Variants in TMC5 observed in about 807,000 individuals in gnomAD.
TMC5 encodes the protein transmembrane channel like 5, also known as transmembrane channel-like protein 5.
TMC5 carries 86 observed loss-of-function variants against 110.5 expected under a neutral mutation model. The observed-to-expected ratio is 0.78, with a 90% confidence interval of 0.65 to 0.93. TMC5 has a LOEUF of 0.93. TMC5 is among the 40% of genes least tolerant of loss of function. The probability of loss-of-function intolerance (pLI) is 0.00; values close to 1 mark genes in which losing one functional copy is unlikely to be tolerated. For missense variants in TMC5, 1,144 were observed against 1,222.8 expected (o/e 0.94, Z 0.96); for synonymous variants, 455 against 439.5 (o/e 1.04, Z -0.44).
intron 2 of TMC5, among the ~76,000 whole-genome samples, chr16:19,434,292 T>A (rs1283219550): frequency 5.8e-5 from 7 of 121,078 alleles, no homozygotes; most frequent in Non-Finnish European, 8.2e-5. Context: ...ATATAATATA[T>A]ATTATATGAT....
At chr16:19,495,030 T>A (rs1429575724) in intron 20 of TMC5, among the ~76,000 whole-genome samples, 5 of 22,018 alleles carry the variant, frequency 2.3e-4, no homozygotes, top group Non-Finnish European at 4.5e-4. Context: ...TTTTTTTTTT[T>A]TTGAGACGGA....
intron 1 of TMC5, among the ~76,000 whole-genome samples, chr16:19,422,413 C>A (rs1967004927): frequency 6.6e-6 from 1 of 152,178 alleles, no homozygotes; most frequent in Admixed American, 6.5e-5. Flanking sequence ...AACCACTTTC[C>A]AGGTGTCTCC....
At chr16:19,420,566 T>C (rs1164390700) in intron 1 of TMC5, among the ~76,000 whole-genome samples, 1 of 152,202 alleles carries the variant, frequency 6.6e-6, no homozygotes, top group Non-Finnish European at 1.5e-5. Flanking sequence ...TTTCAAGTCA[T>C]CATCCAGGCT....
Position 19,440,613 on chromosome 16 carries a change from G to A in TMC5, c.575G>A (p.Ser192Asn), listed in dbSNP as rs1967463857. The change falls in exon 3 of 22, where the codon AGT becomes AAT. Residue 192 changes from serine to asparagine, a missense_variant. By Grantham distance (46) the Ser-to-Asn change is conservative. Coordinates refer to ENST00000542583, the MANE Select transcript of TMC5 (RefSeq NM_001261841.2). ...TCCAGAAAGAATCTGGAACATACAA[G>A]TTTTAGAATCAATCCATACGCAGAC... is the stretch of plus-strand genomic sequence containing the variant. ...PGSRKNLEHT[S>N]FRINPYADSL... The A allele has an allele frequency of 6.2e-7, 1 of 1,614,206 alleles. No homozygotes were observed. The highest frequency in any genetic ancestry group is 1.3e-5 in the African/African-American group (1 of 75,050).
At chr16:19,448,298 A>G (rs1387675437) in intron 4 of TMC5, among the ~76,000 whole-genome samples, 2 of 87,538 alleles carry the variant, frequency 2.3e-5, no homozygotes, top group African/African-American at 7.2e-5. Context: ...TTATTTACAC[A>G]CACACGCACA....
chr16:19,479,945 A>AG (rs893370388), intron 14 of TMC5, among the ~76,000 whole-genome samples: 9 of 151,156 alleles, frequency 6.0e-5, no homozygotes, highest in South Asian at 2.1e-4. Context: ...AAAAAAAAAA[A>AG]AAGAAGAAGA....
intron 1 of TMC5, among the ~76,000 whole-genome samples, chr16:19,428,659 C>T (rs1056847926): frequency 6.6e-6 from 1 of 152,134 alleles, no homozygotes; most frequent in Non-Finnish European, 1.5e-5. Flanking sequence ...CTCTTTCTCA[C>T]TCATTTAACA....
chr16:19,415,636 T>C (rs1351251610), upstream of TMC5, among the ~76,000 whole-genome samples: 2 of 152,208 alleles, frequency 1.3e-5, no homozygotes, highest in Non-Finnish European at 2.9e-5. Context: ...GGAGCTCGTT[T>C]GGCGCAGCTC....
At chr16:19,427,191 C>T (rs142172327) in intron 1 of TMC5, among the ~76,000 whole-genome samples, 6 of 152,328 alleles carry the variant, frequency 3.9e-5, no homozygotes, top group South Asian at 2.1e-4. Flanking sequence ...CAATGGCTCA[C>T]ACCTGTAATC....
intron 9 of TMC5, among the ~76,000 whole-genome samples, chr16:19,467,245 G>T (rs1020251455): frequency 6.6e-6 from 1 of 152,122 alleles, no homozygotes; most frequent in Non-Finnish European, 1.5e-5. Context: ...TTAAACAACA[G>T]AAATTTATTT....
In TMC5 at chr16:19,498,151, C is replaced by T. The variant is rs556628783; in HGVS notation, c.*185C>T. 24 of 593,738 alleles carry T rather than the reference C, an allele frequency of 4.0e-5. No homozygotes were observed. Among genetic ancestry groups the T allele is most frequent in the South Asian group, 3.1e-4 (15 of 48,876 alleles). The allele number at this position is 593,738 out of a possible 1,614,324, so 36.8% of individuals were successfully genotyped here. A position where few individuals can be genotyped will look rare whatever the true frequency, so the allele number is the denominator to read the frequency against. ...TGGGCATTCCATGCTATTTTTAATA[C>T]CTGGATTGCTGATTTTTCAAGACAA... On this transcript the variant is annotated 3_prime_UTR_variant, in exon 22 of 22. Transcript: ENST00000542583.
chr16:19,477,570 A>T, intron 13 of TMC5, 52 bp downstream of exon 13: 1 of 1,207,580 alleles, frequency 8.3e-7, no homozygotes, highest in East Asian at 2.4e-5. Flanking sequence ...CATTTGACCA[A>T]CAGGGAGGAC....
chr16:19,495,008 A>ATTTTTTTTTTT lies in TMC5; in HGVS notation c.2931+644_2931+645insTTTTTTTTTTT, dbSNP rs1226858039. Reference sequence around the variant, plus strand: ...TCTCACTATGAATACTTCAGTGTCTATTCTTTTTTTTTTTTTTTTTTTTTG... The same window carrying ATTTTTTTTTTT: ...TCTCACTATGAATACTTCAGTGTCTATTTTTTTTTTTTTCTTTTTTTTTTTTTTTTTTTTTG... On this transcript the variant is annotated intron_variant, in intron 20 of 21. Transcript: ENST00000542583. Among the ~76,000 whole-genome samples, 128 of 37,116 alleles carry ATTTTTTTTTTT rather than the reference A, an allele frequency of 3.4e-3. 31 individuals carry two copies. The highest frequency in any genetic ancestry group is 5.6e-3 in the Non-Finnish European group (105 of 18,598). 24.3% of individuals were successfully genotyped at this position (37,116 alleles called of 152,430 possible).
Position 19,459,374 on chromosome 16 carries a change from G to A in TMC5, c.1049-861G>A, listed in dbSNP as rs1285153346. ...CAAATGTGAATATGAGTTAGCAGGA[G>A]AAAAGGAGGGTGTACTTCTAGGAAG... is the stretch of plus-strand genomic sequence containing the variant. On this transcript the variant is annotated intron_variant, in intron 5 of 21. Coordinates refer to ENST00000542583, the MANE Select transcript of TMC5 (RefSeq NM_001261841.2). Among the ~76,000 whole-genome samples the A allele has an allele frequency of 3.9e-5, 6 of 152,296 alleles. No homozygotes were observed. The South Asian group carries it at 1.0e-3, about 26-fold the overall frequency.
chr16:19,479,682 T>G (rs139874044), intron 14 of TMC5, among the ~76,000 whole-genome samples, 154 bp downstream of exon 14: 1 of 152,174 alleles, frequency 6.6e-6, no homozygotes, highest in African/African-American at 2.4e-5. Context: ...ACTTCTAAAT[T>G]AGCTAAAATT....
Position 19,460,267 on chromosome 16 carries a change from A to G in TMC5, c.1081A>G (p.Thr361Ala). 6.2e-7 allele frequency: 1 copy of G among 1,613,722 alleles called. No individual in the cohort carries two copies. The highest frequency in any genetic ancestry group is 1.1e-5 in the South Asian group (1 of 91,082). The change falls in exon 6 of 22, where the codon ACA becomes GCA. Residue 361 changes from threonine (T) to alanine (A), a missense_variant. Physicochemically the swap from Thr to Ala is moderately conservative, Grantham distance 58 (BLOSUM62 0). Transcript: ENST00000542583. ...GTTAATCGCATCCCTTATACCCATG[A>G]CATCCAGAGACAGAATTAAAGCCAT... Reference protein sequence around the residue: ...QKLIASLIPMTSRDRIKAIRN... With the variant: ...QKLIASLIPMASRDRIKAIRN...
intron 15 of TMC5, among the ~76,000 whole-genome samples, chr16:19,485,140 GT>G (rs1227382354): frequency 3.8e-5 from 4 of 105,684 alleles, no homozygotes; most frequent in Admixed American, 1.9e-4. Flanking sequence ...ACTCAAATAA[GT>G]TTTTTTTTAA....
chr16:19,429,419 C>T (rs1967150529), intron 1 of TMC5, among the ~76,000 whole-genome samples: 1 of 152,180 alleles, frequency 6.6e-6, no homozygotes, highest in South Asian at 2.1e-4. Flanking sequence ...TAAAGGAGTT[C>T]CTGGCATTTA....
At chr16:19,428,651 C>T (rs1203522708) in intron 1 of TMC5, among the ~76,000 whole-genome samples, 3 of 152,162 alleles carry the variant, frequency 2.0e-5, no homozygotes, top group Non-Finnish European at 4.4e-5. Flanking sequence ...GCTTCTGACT[C>T]TTTCTCACTC....
Sources: gnomAD v4.1 joint callset for allele counts (sites outside exome capture counted in the v4.1 genomes callset) on GRCh38, gnomAD v4.1.1 for gene constraint, MANE v1.5 for transcripts, NCBI Gene and HGNC (gene_info 2026-07-23, HGNC 2026-07-21) for gene names.